UBXN8: variants seen among roughly 807,000 people sequenced by gnomAD.
UBXN8 encodes the protein UBX domain protein 8, also known as UBX domain-containing protein 8.
A neutral mutation model predicts 32.1 loss-of-function variants in UBXN8; 27 were observed. The ratio of observed to expected loss-of-function variants is 0.84; its 90% CI spans 0.62 to 1.16. UBXN8 has a LOEUF of 1.16. Ranked by LOEUF, UBXN8 falls within the 50% of genes most tolerant of loss-of-function variation. UBXN8 has a pLI of 0.00. For missense variants in UBXN8, 306 were observed against 311.4 expected (o/e 0.98, Z 0.13); for synonymous variants, 109 against 111.8 (o/e 0.98, Z 0.16).
intron 7 of UBXN8, among the ~76,000 whole-genome samples, chr8:30,763,948 G>A (rs1805930452): frequency 6.6e-6 from 1 of 152,078 alleles, no homozygotes; most frequent in East Asian, 1.9e-4. Context: ...CCGAGATCAT[G>A]CCACTGCACT....
upstream of UBXN8, among the ~76,000 whole-genome samples, chr8:30,740,257 G>A (rs1805170127): frequency 6.6e-6 from 1 of 150,826 alleles, no homozygotes; most frequent in Non-Finnish European, 1.5e-5. Context: ...CTCAAGGAAT[G>A]GTATGCTCAT....
At chr8:30,739,435 T>A (rs556403528), upstream of UBXN8, among the ~76,000 whole-genome samples, 33 of 151,802 alleles carry the variant, frequency 2.2e-4, no homozygotes, top group African/African-American at 7.7e-4. Context: ...TCCCAGCTAC[T>A]CGGGAGGCTG....
At chr8:30,762,182 G>A (rs1267139861) in intron 6 of UBXN8, among the ~76,000 whole-genome samples, 2 of 150,538 alleles carry the variant, frequency 1.3e-5, no homozygotes, top group Non-Finnish European at 2.9e-5. Context: ...TCCTACCTTA[G>A]CGTCCCAAGT....
chr8:30,741,077 T>G (rs66486224), upstream of UBXN8, among the ~76,000 whole-genome samples: 2 of 152,058 alleles, frequency 1.3e-5, no homozygotes, highest in African/African-American at 4.8e-5. Context: ...CAGTGAAATC[T>G]CCATATTGAA....
chr8:30,731,239 C>CA (rs1357020463), upstream of UBXN8, among the ~76,000 whole-genome samples: 2 of 152,168 alleles, frequency 1.3e-5, no homozygotes, highest in African/African-American at 4.8e-5. Flanking sequence ...CAAGGACTCC[C>CA]AAAGAGCCTA....
intron 1 of UBXN8, among the ~76,000 whole-genome samples, chr8:30,749,217 A>T (rs1204423371): frequency 6.6e-6 from 1 of 151,872 alleles, no homozygotes; most frequent in East Asian, 1.9e-4. Flanking sequence ...AACGTGGTGA[A>T]ACCCCATCTC....
chr8:30,760,819 G>T, intron 5 of UBXN8, 69 bp from the exon 6 acceptor site: 1 of 974,006 alleles, frequency 1.0e-6, no homozygotes. Flanking sequence ...GTATTGAGAG[G>T]AACTCTTCTC....
chr8:30,736,839 A>G (rs1022763741), intron 1 of UBXN8, among the ~76,000 whole-genome samples: 5 of 152,190 alleles, frequency 3.3e-5, no homozygotes, highest in Non-Finnish European at 5.9e-5. Context: ...AAAGAATAAT[A>G]CAATGGCACA....
At chr8:30,755,760 GAAAAAAA>G (rs34287599) in intron 4 of UBXN8, among the ~76,000 whole-genome samples, 2 of 88,920 alleles carry the variant, frequency 2.2e-5, no homozygotes, top group African/African-American at 1.0e-4. Flanking sequence ...CCTTTCTCCA[GAAAAAAA>G]AAAAAAAAAA....
upstream of UBXN8, among the ~76,000 whole-genome samples, chr8:30,740,330 T>C (rs1805171418): frequency 1.3e-5 from 2 of 148,768 alleles, no homozygotes; most frequent in Non-Finnish European, 3.0e-5. Context: ...ATATGAAGTA[T>C]GTGAAGGAAA....
At position 30,753,112 on chromosome 8, in the gene UBXN8, C is replaced by T. The variant is rs932672581; in HGVS notation, c.282+7C>T. ...AGAAGCACAAGGAGAGAAGGTAAGGCAGAATTTTTAGAGACTTTATGCGTA... is the reference window on the plus strand; with the variant it reads ...AGAAGCACAAGGAGAGAAGGTAAGGTAGAATTTTTAGAGACTTTATGCGTA... On this transcript the variant is annotated splice_region_variant and intron_variant, in intron 3 of 7. Coordinates refer to ENST00000265616, the MANE Select transcript of UBXN8 (RefSeq NM_005671.4). 39 of 1,507,028 alleles carry T rather than the reference C, an allele frequency of 2.6e-5. No homozygotes were observed. The African/African-American group carries it at 5.0e-4, about 19-fold the overall frequency. 93.4% of individuals were successfully genotyped at this position (1,507,028 alleles called of 1,614,324 possible).
chr8:30,760,079 T>TA (rs1805789583), intron 5 of UBXN8, among the ~76,000 whole-genome samples: 1 of 148,694 alleles, frequency 6.7e-6, no homozygotes, highest in Non-Finnish European at 1.5e-5. Flanking sequence ...TTTTTTTTTT[T>TA]AAGATGGAGG....
Position 30,766,564 on chromosome 8 carries a change from T to A in UBXN8, c.*170T>A. On this transcript the variant is annotated 3_prime_UTR_variant, in exon 8 of 8. Coordinates refer to ENST00000265616, the MANE Select transcript of UBXN8 (RefSeq NM_005671.4). ...TTAGAAAAGGATTGCTTTCTATATATAATAATCTGTGGACTGTGCCATTTT... is the reference window on the plus strand; with the variant it reads ...TTAGAAAAGGATTGCTTTCTATATAAAATAATCTGTGGACTGTGCCATTTT... 1 of 623,702 alleles carries A rather than the reference T, an allele frequency of 1.6e-6. No individual in the cohort carries two copies. The highest frequency in any genetic ancestry group is 2.5e-6 in the Non-Finnish European group (1 of 407,000). The allele number at this position is 623,702 out of a possible 1,614,324, so 38.6% of individuals were successfully genotyped here.
chr8:30,737,252 G>A (rs534179288), intron 1 of UBXN8, among the ~76,000 whole-genome samples: 4 of 151,754 alleles, frequency 2.6e-5, no homozygotes, highest in Non-Finnish European at 4.4e-5. Flanking sequence ...TGGCATGATG[G>A]TGCAGTTCCA....
Position 30,760,901 on chromosome 8 carries a change from C to A in UBXN8, c.542C>A (p.Pro181His). 1 of 1,536,938 alleles carries A rather than the reference C, an allele frequency of 6.5e-7. No homozygotes were observed. The highest frequency in any genetic ancestry group is 1.2e-5 in the South Asian group (1 of 80,252). Residue 181 changes from proline (P) to histidine (H), a missense_variant, in exon 6 of 8, where the codon CCT becomes CAT. Physicochemically the swap from Pro to His is moderately conservative, Grantham distance 77 (BLOSUM62 -2). Transcript: ENST00000265616. ...QPTCKEIPDL[P>H]EEPSQTAEEV... is the part of the protein sequence containing the mutation. ...ACTTTTCTTTAGATTCCTGATTTACCTGAAGAACCTTCTCAAACAGCAGAA... is the reference window on the plus strand; with the variant it reads ...ACTTTTCTTTAGATTCCTGATTTACATGAAGAACCTTCTCAAACAGCAGAA...
intron 1 of UBXN8, 84 bp from the exon 2 acceptor site, chr8:30,751,312 G>A: frequency 6.7e-6 from 8 of 1,196,552 alleles, no homozygotes; most frequent in South Asian, 1.6e-5. Flanking sequence ...TCAGGAGTTC[G>A]AGACCAGCCT....
chr8:30,749,015 G>A (rs1329765614), intron 1 of UBXN8, among the ~76,000 whole-genome samples: 1 of 152,134 alleles, frequency 6.6e-6, no homozygotes, highest in Non-Finnish European at 1.5e-5. Context: ...TTTGTTTCCT[G>A]TCCCTCAACA....
At chr8:30,756,634 C>A in intron 4 of UBXN8, 131 bp from the exon 5 acceptor site, 1 of 1,361,198 alleles carries the variant, frequency 7.3e-7, no homozygotes, top group Non-Finnish European at 9.9e-7. Flanking sequence ...TTTTGGGTCT[C>A]ATAATGGCTT....
At chr8:30,743,780 C>T (rs1319775129), upstream of UBXN8, among the ~76,000 whole-genome samples, 2 of 152,226 alleles carry the variant, frequency 1.3e-5, no homozygotes, top group Non-Finnish European at 2.9e-5. Flanking sequence ...TTATAGCCCA[C>T]ATTCATCCTA....
Sources: gnomAD v4.1 joint callset for allele counts (sites outside exome capture counted in the v4.1 genomes callset) on GRCh38, gnomAD v4.1.1 for gene constraint, MANE v1.5 for transcripts, NCBI Gene and HGNC (gene_info 2026-07-23, HGNC 2026-07-21) for gene names.